C8orf34: variants seen among roughly 807,000 people sequenced by gnomAD.
C8orf34 encodes uncharacterized protein C8orf34.
A neutral mutation model predicts 68.3 loss-of-function variants in C8orf34; 65 were observed. The ratio of observed to expected loss-of-function variants is 0.95; its 90% CI spans 0.78 to 1.17. C8orf34 has a LOEUF of 1.17. Among genes scored for constraint, C8orf34 ranks in the 50% most tolerant of loss-of-function variants. The pLI, the probability that C8orf34 is intolerant of heterozygous loss-of-function variation, is 0.00. For missense variants in C8orf34, 664 were observed against 655.4 expected (o/e 1.01, Z -0.14); for synonymous variants, 244 against 241.2 (o/e 1.01, Z -0.11).
chr8:68,814,870 A>G (rs1237701062), intron 12 of C8orf34, among the ~76,000 whole-genome samples: 1 of 152,224 alleles, frequency 6.6e-6, no homozygotes, highest in Non-Finnish European at 1.5e-5. Context: ...TTCTATAAAA[A>G]TCTACTATAA....
At chr8:68,801,342 G>A (rs1012142715) in intron 12 of C8orf34, among the ~76,000 whole-genome samples, 5 of 152,170 alleles carry the variant, frequency 3.3e-5, no homozygotes, top group Non-Finnish European at 7.3e-5. Flanking sequence ...GGCAATACTA[G>A]GCTTGCCTTC....
intron 5 of C8orf34, among the ~76,000 whole-genome samples, chr8:68,493,723 T>A (rs1387769821): frequency 6.6e-6 from 1 of 152,156 alleles, no homozygotes; most frequent in African/African-American, 2.4e-5. Context: ...GGATCCACCC[T>A]CATAAATGAG....
At chr8:68,380,396 A>C (rs866372510) in intron 1 of C8orf34, among the ~76,000 whole-genome samples, 15 of 152,388 alleles carry the variant, frequency 9.8e-5, no homozygotes, top group Middle Eastern at 6.8e-3. Flanking sequence ...GAAACCTAGC[A>C]TTTAATTATG....
At chr8:68,624,652 T>G (rs1214247123) in intron 7 of C8orf34, among the ~76,000 whole-genome samples, 1 of 152,044 alleles carries the variant, frequency 6.6e-6, no homozygotes, top group East Asian at 1.9e-4. Flanking sequence ...AATATATAAC[T>G]AGTGTGCTTT....
At chr8:68,669,802 G>A (rs553880217) in intron 8 of C8orf34, among the ~76,000 whole-genome samples, 9 of 152,276 alleles carry the variant, frequency 5.9e-5, no homozygotes, top group Admixed American at 5.9e-4. Flanking sequence ...GAAAATTGGA[G>A]TGATGGAGTT....
At chr8:68,565,621 T>G (rs1462706767) in intron 7 of C8orf34, among the ~76,000 whole-genome samples, 2 of 145,674 alleles carry the variant, frequency 1.4e-5, no homozygotes, top group East Asian at 3.9e-4. Flanking sequence ...CCATCTTTTG[T>G]GTCGCGATGC....
At chr8:68,790,780 T>A (rs371802586) in intron 12 of C8orf34, 2 of 659,696 alleles carry the variant, frequency 3.0e-6, no homozygotes, top group Admixed American at 2.5e-5. Context: ...ACTGGGGTAC[T>A]TGTTTAACAC....
intron 10 of C8orf34, among the ~76,000 whole-genome samples, chr8:68,767,734 G>C (rs893256502): frequency 6.6e-6 from 1 of 152,110 alleles, no homozygotes; most frequent in African/African-American, 2.4e-5. Context: ...CTAACTCCTG[G>C]GCTCAAGCAA....
chr8:68,389,772 C>T lies in C8orf34; in HGVS notation c.328-49727C>T, dbSNP rs74927747. On this transcript the variant is annotated intron_variant, in intron 1 of 13. Transcript: ENST00000518698. The stretch of plus-strand genomic sequence containing the variant: ...TTTTGATATATATGAGATGATTTGA[C>T]GATTTCTTTTCTATTTACTTTTGAA... 3.6e-3 allele frequency among the ~76,000 whole-genome samples: 549 copies of T among 152,144 alleles called. 2 individuals are homozygous for T. The highest frequency in any genetic ancestry group is 7.7e-3 in the African/African-American group (319 of 41,524).
At chr8:68,530,645 C>T in intron 6 of C8orf34, 4 of 1,206,726 alleles carry the variant, frequency 3.3e-6, no homozygotes, top group Non-Finnish European at 4.2e-6. Flanking sequence ...TGGCAAGAGA[C>T]TGAAGCTAAA....
intron 10 of C8orf34, among the ~76,000 whole-genome samples, chr8:68,748,786 G>A (rs1822597937): frequency 6.6e-6 from 1 of 152,180 alleles, no homozygotes; most frequent in Admixed American, 6.5e-5. Flanking sequence ...TACACTGTTG[G>A]TGGGACTGTA....
intron 1 of C8orf34, among the ~76,000 whole-genome samples, chr8:68,334,353 G>A (rs1805756555): frequency 1.3e-5 from 2 of 151,750 alleles, no homozygotes; most frequent in Admixed American, 1.3e-4. Flanking sequence ...GAAGGTGTAA[G>A]ATGAAAAATA....
At chr8:68,743,798 G>A (rs1036167743) in intron 10 of C8orf34, among the ~76,000 whole-genome samples, 1 of 152,214 alleles carries the variant, frequency 6.6e-6, no homozygotes, top group Non-Finnish European at 1.5e-5. Context: ...GCGGCAGCAA[G>A]GCTGGGGGAG....
chr8:68,616,602 G>T (rs2130603015), intron 7 of C8orf34, among the ~76,000 whole-genome samples: 1 of 152,260 alleles, frequency 6.6e-6, no homozygotes, highest in Non-Finnish European at 1.5e-5. Flanking sequence ...GAGCAGTTTT[G>T]AGTGAGTTTC....
intron 7 of C8orf34, among the ~76,000 whole-genome samples, chr8:68,536,521 TTTAATC>T (rs1360081425): frequency 1.3e-5 from 2 of 152,016 alleles, no homozygotes; most frequent in Non-Finnish European, 2.9e-5. Flanking sequence ...TTAGATGCAT[TTTAATC>T]TTATTCTTGT....
At chr8:68,487,330 T>A (rs957459523) in intron 4 of C8orf34, among the ~76,000 whole-genome samples, 1 of 152,150 alleles carries the variant, frequency 6.6e-6, no homozygotes, top group Non-Finnish European at 1.5e-5. Context: ...AGCATTTCAG[T>A]AAAGTGGAAT....
chr8:68,669,299 TC>T (rs1819936059), intron 8 of C8orf34, among the ~76,000 whole-genome samples: 1 of 152,128 alleles, frequency 6.6e-6, no homozygotes, highest in African/African-American at 2.4e-5. Context: ...ATGGGAAATC[TC>T]TGTACCTCCT....
rs563806433 is a variant in C8orf34 at position 68,403,647 on chromosome 8, T to A, written c.328-35852T>A. ...AGAACATGTGGTGTTTGGTTTTCTG[T>A]TCCTGTGTTAGTTTGCTGAGAATGA... On this transcript the variant is annotated intron_variant, in intron 1 of 13. Transcript: ENST00000518698. Among the ~76,000 whole-genome samples, 107 of 152,274 alleles carry A rather than the reference T, an allele frequency of 7.0e-4. 1 individual carries two copies. Among genetic ancestry groups the A allele is most frequent in the African/African-American group, 2.3e-3 (94 of 41,558 alleles).
At chr8:68,400,727 A>G (rs944008452) in intron 1 of C8orf34, among the ~76,000 whole-genome samples, 5 of 152,000 alleles carry the variant, frequency 3.3e-5, no homozygotes, top group African/African-American at 1.2e-4. Context: ...TGCCCAGCTT[A>G]TGTGTCTATT....
Sources: gnomAD v4.1 joint callset for allele counts (sites outside exome capture counted in the v4.1 genomes callset) on GRCh38, gnomAD v4.1.1 for gene constraint, MANE v1.5 for transcripts, NCBI Gene and HGNC (gene_info 2026-07-23, HGNC 2026-07-21) for gene names.